ALDH1L2: variants seen among roughly 807,000 people sequenced by gnomAD.
The protein encoded by ALDH1L2 is aldehyde dehydrogenase 1 family member L2, also known as mitochondrial 10-formyltetrahydrofolate dehydrogenase.
Under a neutral mutation model 111.0 loss-of-function variants are expected in ALDH1L2, and 91 were observed. The observed-to-expected ratio is 0.82, with a 90% CI of 0.69 to 0.98. The LOEUF (loss-of-function observed/expected upper bound fraction) is 0.98. Among genes scored for constraint, ALDH1L2 ranks in the 50% least tolerant of loss-of-function variants. ALDH1L2 has a pLI of 0.00. For missense variants in ALDH1L2, 995 were observed against 1,126.8 expected (o/e 0.88, Z 1.67); for synonymous variants, 374 against 392.6 (o/e 0.95, Z 0.56).
chr12:105,058,660 C>T (rs78098827), intron 9 of ALDH1L2, among the ~76,000 whole-genome samples: 3,155 of 152,208 alleles, frequency 0.021, 71 homozygotes, highest in East Asian at 0.057. Flanking sequence ...GTTTGTATTA[C>T]GTAGTTAACA....
intron 19 of ALDH1L2, among the ~76,000 whole-genome samples, chr12:105,033,104 A>G (rs1164955092): frequency 6.6e-6 from 1 of 152,174 alleles, no homozygotes; most frequent in African/African-American, 2.4e-5. Flanking sequence ...GCCTGGCCGT[A>G]ATCTCTTAGT....
intron 1 of ALDH1L2, among the ~76,000 whole-genome samples, chr12:105,078,751 CAGTTTGGTTA>C (rs1346849574): frequency 6.6e-6 from 1 of 152,196 alleles, no homozygotes. Flanking sequence ...TAAGAGAGCA[CAGTTTGGTTA>C]AGAGACGAGA....
Position 105,061,170 on chromosome 12 carries a change from G to T in ALDH1L2, c.1048-98C>A, listed in dbSNP as rs529481837. On this transcript the variant is annotated intron_variant, in intron 8 of 22. Transcript: ENST00000258494. ...ACCAAACCAATTCCCTCTTCATCTT[G>T]TACACTCAGCTGTACATACAGCTGG... The T allele has an allele frequency of 4.5e-5, 46 of 1,014,516 alleles. No homozygotes were observed. In the South Asian group the frequency reaches 5.7e-4, roughly 13 times the overall value. 62.8% of individuals were successfully genotyped at this position (1,014,516 alleles called of 1,614,324 possible).
chr12:105,058,199 C>G lies in ALDH1L2; in HGVS notation c.1161G>C (p.Gln387His). 6.2e-7 allele frequency: 1 copy of G among 1,610,004 alleles called. No individual in the cohort carries two copies. The highest frequency in any genetic ancestry group is 8.5e-7 in the Non-Finnish European group (1 of 1,178,604). ...DVARLVEEIRQKCGGLQLQNE... is the reference protein window; with the variant it reads ...DVARLVEEIRHKCGGLQLQNE... Reference sequence around the variant, plus strand: ...TCTGCAACTGAAGCCCACCACATTTCTGTCTGATCTCTTCAACCAGCCTTA... The same window carrying G: ...TCTGCAACTGAAGCCCACCACATTTGTGTCTGATCTCTTCAACCAGCCTTA... Residue 387 changes from glutamine (Q) to histidine (H), a missense_variant, in exon 10 of 23, where the codon CAG (glutamine) becomes CAC (histidine). By Grantham distance (24) the Gln-to-His change is conservative. Coordinates refer to ENST00000258494, the MANE Select transcript of ALDH1L2 (RefSeq NM_001034173.4).
chr12:105,037,328 C>G (rs1455333718), intron 18 of ALDH1L2, among the ~76,000 whole-genome samples: 1 of 152,126 alleles, frequency 6.6e-6, no homozygotes, highest in Non-Finnish European at 1.5e-5. Context: ...ACCTAACTTC[C>G]CCCATGATAA....
At chr12:105,066,728 T>C in intron 4 of ALDH1L2, 59 bp from the exon 5 acceptor site, 1 of 1,432,654 alleles carries the variant, frequency 7.0e-7, no homozygotes, top group South Asian at 1.2e-5. Context: ...CATGGTCTAT[T>C]TGACTAAAGT....
Position 105,031,774 on chromosome 12 carries a change from C to G in ALDH1L2, c.2405G>C (p.Arg802Thr), listed in dbSNP as rs1375887963. Residue 802 changes from arginine (R) to threonine (T), a missense_variant, in exon 20 of 23, where the codon AGG becomes ACG. By Grantham distance (71) the Arg-to-Thr change is moderately conservative. Transcript: ENST00000258494. ...CCCCACAGAGGTGATCTTACCTGGC[C>G]TTTGGACTTGTCTTCCCCCGTACAC... ...TLVYGGRQVQ[R>T]PGFFMEPTVF... The G allele has an allele frequency of 6.2e-6, 10 of 1,613,980 alleles. No homozygotes were observed. The highest frequency in any genetic ancestry group is 7.6e-6 in the Non-Finnish European group (9 of 1,179,982).
In ALDH1L2 at chr12:105,022,092, C is replaced by CTT; in HGVS notation, c.*2331_*2332insAA. The stretch of plus-strand genomic sequence containing the variant: ...AAGCAACAGCGATGATTTTATTACT[C>CTT]TATGTGTTAAGTAAATCACCTAGCA... On this transcript the variant is annotated 3_prime_UTR_variant, in exon 23 of 23. Transcript: ENST00000258494. 6.6e-6 allele frequency: 1 copy of CTT among 152,148 alleles called. No homozygotes were observed. The highest frequency in any genetic ancestry group is 1.5e-5 in the Non-Finnish European group (1 of 68,032). 9.4% of individuals were successfully genotyped at this position (152,148 alleles called of 1,614,324 possible).
intron 12 of ALDH1L2, 70 bp downstream of exon 12, chr12:105,052,020 C>A (rs61938827): frequency 0.45 from 595,986 of 1,322,836 alleles, 139,095 homozygotes; most frequent in Middle Eastern, 0.56. Flanking sequence ...CCAGCCTGGC[C>A]AACGTAGTGA....
intron 19 of ALDH1L2, among the ~76,000 whole-genome samples, chr12:105,033,369 A>G (rs1453898255): frequency 1.3e-5 from 2 of 152,222 alleles, no homozygotes; most frequent in African/African-American, 4.8e-5. Context: ...AGCCCATGAT[A>G]TATAGCACTG....
intron 2 of ALDH1L2, chr12:105,072,229 C>A (rs1402013391): frequency 6.8e-6 from 1 of 147,116 alleles, no homozygotes; most frequent in Non-Finnish European, 1.5e-5. Context: ...TTATATATTA[C>A]TTGTATAATA....
At chr12:105,065,450 T>C in intron 5 of ALDH1L2, 94 bp from the exon 6 acceptor site, 1 of 1,025,090 alleles carries the variant, frequency 9.8e-7, no homozygotes, top group Non-Finnish European at 1.5e-6. Flanking sequence ...GAAACACTTG[T>C]TATTGGGAAA....
At chr12:105,072,136 A>C (rs1261692178) in intron 2 of ALDH1L2, among the ~76,000 whole-genome samples, 1 of 140,168 alleles carries the variant, frequency 7.1e-6, no homozygotes, top group African/African-American at 2.7e-5. Flanking sequence ...TATTATTAAT[A>C]TATAATTGTA....
chr12:105,021,249 C>A lies in ALDH1L2; in HGVS notation c.*3175G>T. ...TGTCTGACTTAAGCTTTGAACAGGA[C>A]CGCAGAAGAGAGGAATCCAGAAGAC... On this transcript the variant is annotated 3_prime_UTR_variant, in exon 23 of 23. Transcript: ENST00000258494. 6.6e-6 allele frequency: 1 copy of A among 152,496 alleles called. No individual in the cohort carries two copies. Among genetic ancestry groups the A allele is most frequent in the Non-Finnish European group, 1.5e-5 (1 of 68,206 alleles). The allele number at this position is 152,496 out of a possible 1,614,324, so 9.4% of individuals were successfully genotyped here.
rs1874715287 is a variant in ALDH1L2, at chr12:105,031,827, T to G, written c.2352A>C (p.Glu784Asp). Residue 784 changes from glutamate to aspartate, a missense_variant, in exon 20 of 23, where the codon GAA (glutamate) becomes GAC (aspartate). By Grantham distance (45) the Glu-to-Asp change is conservative. Coordinates refer to ENST00000258494, the MANE Select transcript of ALDH1L2 (RefSeq NM_001034173.4). ...AHLEKLLQYC[E>D]TGVKEGATLV... ...AAGTGGCCCCTTCTTTCACTCCAGT[T>G]TCACAGTATTGCAGCAGCTTTTCCA... The G allele has an allele frequency of 6.2e-7, 1 of 1,614,228 alleles. No homozygotes were observed. Among genetic ancestry groups the G allele is most frequent in the East Asian group, 2.2e-5 (1 of 44,894 alleles).
chr12:105,065,139 G>T, intron 6 of ALDH1L2, 128 bp downstream of exon 6: 3 of 553,468 alleles, frequency 5.4e-6, no homozygotes, highest in Non-Finnish European at 9.9e-6. Context: ...CTGAGTAAAG[G>T]GGAGAGTGAA....
In ALDH1L2 at chr12:105,049,984, G is replaced by T; in HGVS notation, c.1610C>A (p.Thr537Asn). The T allele has an allele frequency of 6.2e-7, 1 of 1,612,940 alleles. No homozygotes were observed. The change falls in exon 13 of 23, where the codon ACC becomes AAC. Residue 537 changes from threonine to asparagine, a missense_variant. Physicochemically the swap from Thr to Asn is moderately conservative, Grantham distance 65. Coordinates refer to ENST00000258494, the MANE Select transcript of ALDH1L2 (RefSeq NM_001034173.4). ...TCCAATGTGTGTCTTCAGGGCCAAGGTATAGACAGCCCCTGAATCAAGGGC... is the reference window on the plus strand; with the variant it reads ...TCCAATGTGTGTCTTCAGGGCCAAGTTATAGACAGCCCCTGAATCAAGGGC... ...IEALDSGAVY[T>N]LALKTHIGMS...
chr12:105,066,839 G>A (rs1384836623), intron 4 of ALDH1L2, among the ~76,000 whole-genome samples, 170 bp from the exon 5 acceptor site: 1 of 152,162 alleles, frequency 6.6e-6, no homozygotes, highest in Non-Finnish European at 1.5e-5. Context: ...CAGTGTGGTA[G>A]CTACTTTATG....
intron 10 of ALDH1L2, 95 bp from the exon 11 acceptor site, chr12:105,053,026 A>G: frequency 7.0e-7 from 1 of 1,422,160 alleles, no homozygotes. Context: ...ATGCAGAGGG[A>G]GAAGTCAATG....
Sources: allele counts gnomAD v4.1 joint callset (sites outside exome capture counted in the v4.1 genomes callset), GRCh38; gene constraint gnomAD v4.1.1; transcripts MANE v1.5; gene names NCBI Gene and HGNC (gene_info 2026-07-23, HGNC 2026-07-21).